The following COL13A1 variants were observed in gnomAD, a reference collection of about 807,000 sequenced individuals.
COL13A1 encodes the protein collagen type XIII alpha 1 chain.
Under a neutral mutation model 130.9 loss-of-function variants are expected in COL13A1, and 89 were observed. The ratio of observed to expected loss-of-function variants is 0.68; its 90% confidence interval spans 0.57 to 0.81. The LOEUF is 0.81. COL13A1 is among the 30% of genes least tolerant of loss of function. COL13A1 has a pLI of 0.00. For synonymous variants in COL13A1, 402 were observed against 341.6 expected, an observed-to-expected ratio of 1.18 and a Z score of -1.95; for missense variants, 879 against 934.6, an observed-to-expected ratio of 0.94 and a Z score of 0.78.
intron 26 of COL13A1, among the ~76,000 whole-genome samples, chr10:69,926,876 C>T (rs888058277): frequency 3.9e-5 from 6 of 152,070 alleles, no homozygotes; most frequent in Non-Finnish European, 7.4e-5. Flanking sequence ...GGAGATGCTA[C>T]GTATTCTCTC....
At chr10:69,951,879 A>T (rs2069621160) in intron 38 of COL13A1, among the ~76,000 whole-genome samples, 1 of 152,168 alleles carries the variant, frequency 6.6e-6, no homozygotes, top group Non-Finnish European at 1.5e-5. Flanking sequence ...TCCATAGAGG[A>T]GGGGAGCTCC....
At chr10:69,957,076 G>A (rs202018278) in intron 40 of COL13A1, 34 bp downstream of exon 40, 19 of 1,575,088 alleles carry the variant, frequency 1.2e-5, no homozygotes, top group African/African-American at 2.7e-5. Flanking sequence ...CTGGGGCTCC[G>A]TTCTCAGCAG....
chr10:69,953,006 T>C (rs748062750), intron 39 of COL13A1, 38 bp downstream of exon 39: 1 of 1,440,140 alleles, frequency 6.9e-7, no homozygotes, highest in South Asian at 1.5e-5. Context: ...TTCTGGTTTT[T>C]GTTCTTGAGG....
At chr10:69,824,645 T>C (rs1404360168) in intron 2 of COL13A1, among the ~76,000 whole-genome samples, 1 of 151,816 alleles carries the variant, frequency 6.6e-6, no homozygotes, top group Non-Finnish European at 1.5e-5. Context: ...GGAAACACCA[T>C]GGGGAGAAGA....
chr10:69,812,590 C>CTCTG (rs1264235403), intron 1 of COL13A1, among the ~76,000 whole-genome samples: 2 of 152,198 alleles, frequency 1.3e-5, no homozygotes, highest in African/African-American at 2.4e-5. Flanking sequence ...CAAATTCTGC[C>CTCTG]TCTGTCTTTC....
At chr10:69,953,713 G>C (rs1201003090) in intron 39 of COL13A1, among the ~76,000 whole-genome samples, 1 of 152,224 alleles carries the variant, frequency 6.6e-6, no homozygotes, top group African/African-American at 2.4e-5. Flanking sequence ...TGTAGAGAGA[G>C]GAGGATCAAC....
chr10:69,874,206 A>G (rs966701232), intron 4 of COL13A1, among the ~76,000 whole-genome samples: 9 of 152,230 alleles, frequency 5.9e-5, no homozygotes, highest in African/African-American at 2.2e-4. Context: ...TGCCCCACAT[A>G]CATGGTGGAT....
At chr10:69,825,818 A>G (rs1348013640) in intron 2 of COL13A1, among the ~76,000 whole-genome samples, 1 of 152,174 alleles carries the variant, frequency 6.6e-6, no homozygotes, top group Non-Finnish European at 1.5e-5. Flanking sequence ...TGACCTTCCC[A>G]GCATCCTCCT....
At chr10:69,902,282 G>C (rs1253855981) in intron 14 of COL13A1, among the ~76,000 whole-genome samples, 2 of 152,218 alleles carry the variant, frequency 1.3e-5, no homozygotes, top group East Asian at 1.9e-4. Context: ...ACAGCAAAAA[G>C]CTGAGACAGG....
intron 2 of COL13A1, among the ~76,000 whole-genome samples, chr10:69,834,353 A>G (rs1164855419): frequency 6.6e-6 from 1 of 152,122 alleles, no homozygotes; most frequent in African/African-American, 2.4e-5. Context: ...AGACACAGAG[A>G]AGCAGAGGAA....
intron 21 of COL13A1, among the ~76,000 whole-genome samples, chr10:69,920,738 T>C (rs1205002764): frequency 6.6e-6 from 1 of 152,198 alleles, no homozygotes; most frequent in African/African-American, 2.4e-5. Context: ...AGAAAATACA[T>C]TTCTGCTGTC....
At chr10:69,915,616 A>C (rs891677188) in intron 17 of COL13A1, among the ~76,000 whole-genome samples, 4 of 152,146 alleles carry the variant, frequency 2.6e-5, no homozygotes, top group African/African-American at 9.7e-5. Flanking sequence ...GAAGAGATAA[A>C]AGGGCCCCAC....
intron 21 of COL13A1, 93 bp downstream of exon 21, chr10:69,919,820 G>A (rs2064393644): frequency 5.0e-6 from 2 of 398,380 alleles, no homozygotes; most frequent in African/African-American, 2.1e-5. Flanking sequence ...TGTGTCGCCT[G>A]CAGCGTGCTG....
chr10:69,804,809 C>CAAAAAAAAAAAAAAAAAAAAAAAA (rs57098368), intron 1 of COL13A1, among the ~76,000 whole-genome samples: 1 of 75,392 alleles, frequency 1.3e-5, no homozygotes, highest in Non-Finnish European at 2.4e-5. Flanking sequence ...ATGTCGTGTG[C>CAAAAAAAAAAAAAAAAAAAAAAAA]AAAAAAAAAA....
intron 1 of COL13A1, among the ~76,000 whole-genome samples, chr10:69,804,803 C>T (rs1465430080): frequency 2.5e-4 from 15 of 60,786 alleles, no homozygotes; most frequent in African/African-American, 8.3e-4. Flanking sequence ...GTGACCATGT[C>T]GTGTGCAAAA....
intron 17 of COL13A1, among the ~76,000 whole-genome samples, chr10:69,912,919 G>A (rs1488159202): frequency 1.3e-5 from 2 of 152,198 alleles, no homozygotes; most frequent in Non-Finnish European, 2.9e-5. Flanking sequence ...TCTCTGTAAA[G>A]GATGCATCCT....
chr10:69,830,736 A>C lies in COL13A1; in HGVS notation c.364+8298A>C, dbSNP rs566210212. On this transcript the variant is annotated intron_variant, in intron 2 of 40. Coordinates refer to ENST00000645393, the MANE Select transcript of COL13A1 (RefSeq NM_001368882.1). ...AGTACATATTTTTTGTAATAACTTT[A>C]TTGCGATGTAATTCCCATATACAAT... is the stretch of plus-strand genomic sequence containing the variant. 3.3e-5 allele frequency among the ~76,000 whole-genome samples: 5 copies of C among 152,156 alleles called. No individual in the cohort carries two copies. The East Asian group carries it at 9.6e-4, about 29-fold the overall frequency.
At chr10:69,850,929 C>G (rs1854601490) in intron 2 of COL13A1, among the ~76,000 whole-genome samples, 1 of 152,352 alleles carries the variant, frequency 6.6e-6, no homozygotes, top group Non-Finnish European at 1.5e-5. Context: ...GGACTGACAT[C>G]TGAGAGCTAT....
chr10:69,896,255 A>T (rs1301844170), intron 13 of COL13A1, among the ~76,000 whole-genome samples: 2 of 151,930 alleles, frequency 1.3e-5, no homozygotes, highest in East Asian at 3.9e-4. Flanking sequence ...ACCCCAAGAC[A>T]CAGAACCCAA....
Sources: allele counts gnomAD v4.1 joint callset (sites outside exome capture counted in the v4.1 genomes callset), GRCh38; gene constraint gnomAD v4.1.1; transcripts MANE v1.5; gene names NCBI Gene and HGNC (gene_info 2026-07-23, HGNC 2026-07-21).